The following ZBED4 variants were observed in gnomAD, a reference collection of about 807,000 sequenced individuals.
The protein encoded by ZBED4 is zinc finger BED-type containing 4, also known as zinc finger BED domain-containing protein 4.
A neutral mutation model predicts 15.5 loss-of-function variants in ZBED4; 4 were observed. The observed-to-expected ratio is 0.26, with a 90% CI of 0.13 to 0.59. The LOEUF (loss-of-function observed/expected upper bound fraction) is 0.59. ZBED4 is among the 20% of genes least tolerant of loss of function. ZBED4 has a pLI of 0.90. For missense variants in ZBED4, 1,323 were observed against 1,461.8 expected (o/e 0.91, Z 1.55); for synonymous variants, 692 against 608.5 (o/e 1.14, Z -2.02).
rs2060448764 is a variant in ZBED4, at chr22:49,887,922, G to A, written c.*744G>A. ...TAACTGTGCTCATCACTTCGCCAGT[G>A]CGTTCAATGACACGCTGATGGCAGG... is the stretch of plus-strand genomic sequence containing the variant. On this transcript the variant is annotated 3_prime_UTR_variant, in exon 2 of 2. Coordinates refer to ENST00000216268, the MANE Select transcript of ZBED4 (RefSeq NM_014838.3). The A allele has an allele frequency of 6.0e-6, 1 of 167,244 alleles. No homozygotes were observed. Among genetic ancestry groups the A allele is most frequent in the Non-Finnish European group, 1.5e-5 (1 of 68,136 alleles). 10.4% of individuals were successfully genotyped at this position (167,244 alleles called of 1,614,324 possible). A position where few individuals can be genotyped will look rare whatever the true frequency, so the allele number is the denominator to read the frequency against.
At chr22:49,867,672 C>T (rs185777570) in intron 1 of ZBED4, among the ~76,000 whole-genome samples, 25 of 152,290 alleles carry the variant, frequency 1.6e-4, no homozygotes, top group Middle Eastern at 3.4e-3. Flanking sequence ...TGGGGATGCT[C>T]GGTGTATCAC....
intron 1 of ZBED4, among the ~76,000 whole-genome samples, chr22:49,863,030 A>G (rs1004188751): frequency 5.9e-5 from 9 of 152,016 alleles, no homozygotes; most frequent in Non-Finnish European, 8.8e-5. Context: ...TACAGGTTAC[A>G]TTATCCACCC....
At chr22:49,871,180 G>A (rs1401985972) in intron 1 of ZBED4, among the ~76,000 whole-genome samples, 3 of 6,530 alleles carry the variant, frequency 4.6e-4, no homozygotes, top group African/African-American at 3.7e-3. Context: ...AAAGTGCTAG[G>A]ACTACAGGCG....
rs775153174 is a variant in ZBED4, at chr22:49,885,416, C to T, written c.1754C>T (p.Thr585Ile). 1.9e-6 allele frequency: 3 copies of T among 1,606,916 alleles called. No individual in the cohort carries two copies. In the African/African-American group the frequency reaches 4.0e-5, roughly 21 times the overall value. Reference sequence around the variant, plus strand: ...GTCGTGTGCTTGCACTGTGGCCGGACCATCAGCCGGGGGAAGAAGCCGACT... The same window carrying T: ...GTCGTGTGCTTGCACTGTGGCCGGATCATCAGCCGGGGGAAGAAGCCGACT... ...TKVVCLHCGRTISRGKKPTNL... is the reference protein window; with the variant it reads ...TKVVCLHCGRIISRGKKPTNL... The change falls in exon 2 of 2, where the codon ACC becomes ATC. Residue 585 changes from threonine (T) to isoleucine (I), a missense_variant. Thr to Ile is a moderately conservative substitution (Grantham distance 89). This residue lies in a region of ZBED4 where 429 missense variants were observed against 397.9 expected (regional missense o/e 1.08). Transcript: ENST00000216268.
chr22:49,882,320 G>A (rs1034192675), intron 1 of ZBED4, among the ~76,000 whole-genome samples: 1 of 152,220 alleles, frequency 6.6e-6, no homozygotes, highest in Non-Finnish European at 1.5e-5. Flanking sequence ...GGGAGGCTGA[G>A]TCGGGAGGAG....
intron 1 of ZBED4, among the ~76,000 whole-genome samples, chr22:49,856,961 A>G (rs1189930226): frequency 1.3e-5 from 2 of 152,142 alleles, no homozygotes; most frequent in Non-Finnish European, 2.9e-5. Context: ...TGCAATAGAA[A>G]CAGCTGATGC....
chr22:49,865,303 T>A (rs1473596058), intron 1 of ZBED4, among the ~76,000 whole-genome samples: 1 of 152,090 alleles, frequency 6.6e-6, no homozygotes, highest in African/African-American at 2.4e-5. Context: ...TGGGGTGCGC[T>A]GCTCTTTGCC....
intron 1 of ZBED4, among the ~76,000 whole-genome samples, chr22:49,859,414 G>A (rs1222079552): frequency 1.3e-5 from 2 of 152,064 alleles, no homozygotes; most frequent in Non-Finnish European, 2.9e-5. Context: ...GACTAGTTGG[G>A]AGCCCCTTCC....
rs148078547 is a variant in ZBED4, at chr22:49,858,440, G to A, written c.-330+4451G>A. On this transcript the variant is annotated intron_variant, in intron 1 of 1. Coordinates refer to ENST00000216268, the MANE Select transcript of ZBED4 (RefSeq NM_014838.3). The stretch of plus-strand genomic sequence containing the variant: ...GCTCTTTGCCTCCCTGGGTATACTC[G>A]ACAGCTTGTTGAGAGTGCGTGTGCT... Among the ~76,000 whole-genome samples the A allele has an allele frequency of 3.1e-3, 468 of 152,250 alleles. 1 individual carries two copies. Among genetic ancestry groups the A allele is most frequent in the Non-Finnish European group, 3.7e-3 (253 of 68,016 alleles).
At position 49,887,047 on chromosome 22, in the gene ZBED4, G is replaced by A. The variant is rs780399671; in HGVS notation, c.3385G>A (p.Val1129Ile). 150 of 1,613,978 alleles carry A rather than the reference G, an allele frequency of 9.3e-5. No individual in the cohort carries two copies. Among genetic ancestry groups the A allele is most frequent in the Non-Finnish European group, 1.2e-4 (136 of 1,180,040 alleles). ...VRFLGCPPSI[V>I]PSEKLFNTPT... The stretch of plus-strand genomic sequence containing the variant: ...ATTTTTGGGCTGCCCCCCAAGCATC[G>A]TCCCTTCAGAAAAGCTGTTCAACAC... Residue 1129 changes from valine to isoleucine, a missense_variant, in exon 2 of 2, where the codon GTC becomes ATC. By Grantham distance (29) the Val-to-Ile change is conservative. Transcript: ENST00000216268.
intron 1 of ZBED4, among the ~76,000 whole-genome samples, chr22:49,864,278 C>T (rs1191532628): frequency 6.6e-6 from 1 of 152,214 alleles, no homozygotes; most frequent in East Asian, 1.9e-4. Context: ...TGGAATATCG[C>T]ATAATGTCTC....
chr22:49,854,351 T>G (rs1023333448), intron 1 of ZBED4, among the ~76,000 whole-genome samples: 1 of 150,008 alleles, frequency 6.7e-6, no homozygotes, highest in African/African-American at 2.5e-5. Flanking sequence ...CCCGGCCACG[T>G]CGAGTTAACC....
At position 49,885,554 on chromosome 22, in the gene ZBED4, G is replaced by C; in HGVS notation, c.1892G>C (p.Arg631Pro). The change falls in exon 2 of 2, where the codon CGG becomes CCG. Residue 631 changes from arginine (R) to proline (P), a missense_variant. Arg to Pro is a moderately radical substitution (Grantham distance 103). Transcript: ENST00000216268. The stretch of plus-strand genomic sequence containing the variant: ...TCCTCTCCGGACACCCGGGTGCCGC[G>C]GGGCACAGAATTATCAGGCGCTTCC... The part of the protein sequence containing the change: ...RPSSPDTRVP[R>P]GTELSGASSF... 1 of 1,604,812 alleles carries C rather than the reference G, an allele frequency of 6.2e-7. No individual in the cohort carries two copies. The highest frequency in any genetic ancestry group is 8.5e-7 in the Non-Finnish European group (1 of 1,172,522).
At chr22:49,879,170 A>AG (rs2147535191) in intron 1 of ZBED4, among the ~76,000 whole-genome samples, 1 of 150,000 alleles carries the variant, frequency 6.7e-6, no homozygotes, top group East Asian at 2.0e-4. Flanking sequence ...ACAAAAAAAA[A>AG]CAGGAGTGAA....
chr22:49,886,466 G>A lies in ZBED4; in HGVS notation c.2804G>A (p.Arg935His), dbSNP rs148831653. 297 of 1,571,178 alleles carry A rather than the reference G, an allele frequency of 1.9e-4. No individual in the cohort carries two copies. In the African/African-American group the frequency reaches 3.4e-3, roughly 18 times the overall value. ...DQWEVMQSVC[R>H]ALKPFEAASR... is the part of the protein sequence containing the mutation. ...TGGGAGGTCATGCAGTCCGTGTGCC[G>A]TGCGCTAAAGCCCTTCGAGGCTGCG... The change falls in exon 2 of 2, where the codon CGT becomes CAT. Residue 935 changes from arginine (R) to histidine (H), a missense_variant. Arg to His is a conservative substitution (Grantham distance 29). This residue lies in a region of ZBED4 where 312 missense variants were observed against 410.7 expected (regional missense o/e 0.76). Transcript: ENST00000216268. The surrounding 1 kb of genome is among the most constrained non-coding windows in gnomAD (Gnocchi z 7.7).
In ZBED4 at chr22:49,887,152, C is replaced by T; in HGVS notation, c.3490C>T (p.Leu1164Phe). ...FEKLIFLKVNLPLIYFQY is the reference protein window; with the variant it reads ...FEKLIFLKVNFPLIYFQY Reference sequence around the variant, plus strand: ...AAAACTTATCTTTTTGAAAGTGAATCTTCCCTTAATATACTTTCAGTATTG... The same window carrying T: ...AAAACTTATCTTTTTGAAAGTGAATTTTCCCTTAATATACTTTCAGTATTG... Residue 1164 changes from leucine (L) to phenylalanine (F), a missense_variant, in exon 2 of 2, where the codon CTT (leucine) becomes TTT (phenylalanine). Coordinates refer to ENST00000216268, the MANE Select transcript of ZBED4 (RefSeq NM_014838.3). 6.2e-7 allele frequency: 1 copy of T among 1,612,988 alleles called. No individual in the cohort carries two copies. Among genetic ancestry groups the T allele is most frequent in the Non-Finnish European group, 8.5e-7 (1 of 1,179,436 alleles).
At chr22:49,870,543 G>A (rs200163009) in intron 1 of ZBED4, among the ~76,000 whole-genome samples, 13 of 152,090 alleles carry the variant, frequency 8.5e-5, no homozygotes, top group African/African-American at 2.4e-4. Context: ...ATGGTATCTC[G>A]TTGTGGTTTT....
chr22:49,870,516 A>C (rs1244648730), intron 1 of ZBED4, among the ~76,000 whole-genome samples: 1 of 151,784 alleles, frequency 6.6e-6, no homozygotes, highest in African/African-American at 2.4e-5. Flanking sequence ...AATAAAAGCC[A>C]TTGTGACGGG....
intron 1 of ZBED4, among the ~76,000 whole-genome samples, chr22:49,855,031 A>G (rs569731870): frequency 3.9e-5 from 6 of 152,140 alleles, no homozygotes; most frequent in Non-Finnish European, 8.8e-5. Flanking sequence ...CCACATTTTG[A>G]TTATGAATTA....
Sources: gnomAD v4.1 joint callset for allele counts (sites outside exome capture counted in the v4.1 genomes callset) on GRCh38, gnomAD v4.1.1 for gene constraint, gnomAD v4.1.1 regional missense constraint, Gnocchi (gnomAD v3.1) non-coding constraint, MANE v1.5 for transcripts, NCBI Gene and HGNC (gene_info 2026-07-23, HGNC 2026-07-21) for gene names.